IL12RB1: variants seen among roughly 807,000 people sequenced by gnomAD.
IL12RB1 encodes the protein interleukin-12 receptor subunit beta-1.
Under a neutral mutation model 94.4 loss-of-function variants are expected in IL12RB1, and 64 were observed. The observed-to-expected ratio is 0.68, with a 90% CI of 0.55 to 0.83. The LOEUF is 0.83. Among genes scored for constraint, IL12RB1 ranks in the 40% least tolerant of loss-of-function variants. The probability of loss-of-function intolerance (pLI) is 0.00; values close to 1 mark genes in which losing one functional copy is unlikely to be tolerated. For missense variants in IL12RB1, 814 were observed against 855.6 expected (o/e 0.95, Z 0.61); for synonymous variants, 362 against 355.5 (o/e 1.02, Z -0.21).
chr19:18,088,388 A>AATATATATATAT (rs372635550), upstream of IL12RB1, among the ~76,000 whole-genome samples: 1 of 108,444 alleles, frequency 9.2e-6, no homozygotes, highest in Non-Finnish European at 2.1e-5. Flanking sequence ...TCCATCTCAA[A>AATATATATATAT]ATATATATAT....
chr19:18,087,094 G>A (rs1599580871), upstream of IL12RB1: 1 of 609,974 alleles, frequency 1.6e-6, no homozygotes, highest in East Asian at 3.1e-5. Context: ...AGGGTTCTAG[G>A]GGGTTCTGCC....
rs1393654635 is a variant in IL12RB1 at position 18,086,815 on chromosome 19, C to T, written c.9G>A (p.Pro3=). ...GGAGGGGGACCACCCAGGTCACCAG[C>T]GGCTCCATCGGATCCACGTAGAGCC... ME[P]LVTWVVPLLF... is the part of the protein sequence containing the mutation. The change falls in exon 1 of 17, where the codon CCG becomes CCA. Residue 3 remains proline (P), a synonymous_variant. Transcript: ENST00000593993. 8.1e-6 allele frequency: 13 copies of T among 1,610,718 alleles called. No homozygotes were observed. Among genetic ancestry groups the T allele is most frequent in the Non-Finnish European group, 7.6e-6 (9 of 1,178,968 alleles).
In IL12RB1 at chr19:18,072,274, G is replaced by A. The variant is rs1288287381; in HGVS notation, c.859C>T (p.His287Tyr). Residue 287 changes from histidine (H) to tyrosine (Y), a missense_variant, in exon 9 of 17, where the codon CAC becomes TAC. By Grantham distance (83) the His-to-Tyr change is moderately conservative (BLOSUM62 2). Coordinates refer to ENST00000593993, the MANE Select transcript of IL12RB1 (RefSeq NM_005535.3). ...GTEVTYRLQL[H>Y]MLSCPCKAKA... is the part of the protein sequence containing the mutation. ...GCCTTACACGGGCAGGACAGCATGTGGAGCTGTAGTCGGTAAGTGACCTCC... is the reference window on the plus strand; with the variant it reads ...GCCTTACACGGGCAGGACAGCATGTAGAGCTGTAGTCGGTAAGTGACCTCC... 1 of 1,614,060 alleles carries A rather than the reference G, an allele frequency of 6.2e-7. No individual in the cohort carries two copies. The highest frequency in any genetic ancestry group is 8.5e-7 in the Non-Finnish European group (1 of 1,179,938).
chr19:18,082,895 C>T (rs1172103071), intron 2 of IL12RB1, among the ~76,000 whole-genome samples: 2 of 151,996 alleles, frequency 1.3e-5, no homozygotes, highest in African/African-American at 4.8e-5. Flanking sequence ...CCAGCCTGGG[C>T]GACATGGTGA....
intron 3 of IL12RB1, among the ~76,000 whole-genome samples, chr19:18,081,871 G>A (rs575314219): frequency 6.6e-6 from 1 of 152,052 alleles, no homozygotes; most frequent in African/African-American, 2.4e-5. Context: ...TGGATGGATG[G>A]ATGGATGGAT....
At chr19:18,075,573 A>G (rs1034507677) in intron 7 of IL12RB1, among the ~76,000 whole-genome samples, 176 bp downstream of exon 7, 5 of 151,436 alleles carry the variant, frequency 3.3e-5, no homozygotes, top group African/African-American at 1.2e-4. Flanking sequence ...ATTTTATTTT[A>G]TTTTTTAGAG....
intron 1 of IL12RB1, among the ~76,000 whole-genome samples, chr19:18,084,283 T>C (rs367702918): frequency 5.4e-5 from 7 of 129,576 alleles, no homozygotes; most frequent in East Asian, 2.7e-4. Context: ...CCCATCCATC[T>C]ATCCATCCAT....
intron 2 of IL12RB1, chr19:18,082,999 C>T: frequency 3.5e-6 from 1 of 284,606 alleles, no homozygotes; most frequent in South Asian, 3.4e-5. Context: ...TGGAGAATAG[C>T]TTGAACCTGG....
intron 10 of IL12RB1, among the ~76,000 whole-genome samples, chr19:18,069,108 A>G (rs17879580): frequency 6.6e-6 from 1 of 152,122 alleles, no homozygotes; most frequent in Non-Finnish European, 1.5e-5. Context: ...TTCTTCAAGG[A>G]ACAGGCTGAG....
intron 15 of IL12RB1, 126 bp from the exon 16 acceptor site, chr19:18,060,211 G>A: frequency 1.6e-6 from 1 of 618,588 alleles, no homozygotes; most frequent in East Asian, 2.8e-5. Context: ...GGGTGCAGTG[G>A]CTCACACCTG....
At chr19:18,095,955 G>A (rs2146627266) in intron 1 of IL12RB1, among the ~76,000 whole-genome samples, 1 of 152,292 alleles carries the variant, frequency 6.6e-6, no homozygotes, top group East Asian at 1.9e-4. Context: ...CAGGCACAGT[G>A]GCTCATGCCT....
intron 4 of IL12RB1, among the ~76,000 whole-genome samples, chr19:18,079,363 C>T (rs2035714623): frequency 6.6e-6 from 1 of 152,052 alleles, no homozygotes; most frequent in South Asian, 2.1e-4. Flanking sequence ...CTCGGCCTCT[C>T]GAAGTGCTAG....
At chr19:18,093,192 C>A (rs1432519935) in intron 1 of IL12RB1, among the ~76,000 whole-genome samples, 3 of 151,886 alleles carry the variant, frequency 2.0e-5, no homozygotes, top group African/African-American at 7.3e-5. Context: ...GTAATTCCAG[C>A]TACTCGGGAG....
intron 11 of IL12RB1, among the ~76,000 whole-genome samples, chr19:18,068,043 T>TG (rs2034722251): frequency 7.1e-6 from 1 of 141,576 alleles, no homozygotes; most frequent in Non-Finnish European, 1.5e-5. Flanking sequence ...TTTTTTTTTT[T>TG]GAGACAGAGT....
Position 18,081,062 on chromosome 19 carries a change from C to T in IL12RB1, c.240-61G>A, listed in dbSNP as rs2035866141. 5 of 1,442,966 alleles carry T rather than the reference C, an allele frequency of 3.5e-6. No individual in the cohort carries two copies. In the South Asian group the frequency reaches 5.8e-5, roughly 17 times the overall value. The allele number at this position is 1,442,966 out of a possible 1,614,324, so 89.4% of individuals were successfully genotyped here. A position where few individuals can be genotyped will look rare whatever the true frequency, so the allele number is the denominator to read the frequency against. ...GGGTCCTAGTGGACCCCACAGCCGA[C>T]TTTGTGCATCACATCCCAGCATCGT... On this transcript the variant is annotated intron_variant, in intron 3 of 16. Transcript: ENST00000593993.
In IL12RB1 at chr19:18,059,968, GCT is replaced by G; in HGVS notation, c.1907_1908del (p.Glu636AlafsTer3). 6.3e-7 allele frequency: 1 copy of G among 1,599,868 alleles called. No individual in the cohort carries two copies. Among genetic ancestry groups the G allele is most frequent in the Non-Finnish European group, 8.5e-7 (1 of 1,172,436 alleles). On this transcript the variant is annotated frameshift_variant, in exon 16 of 17. Transcript: ENST00000593993. LOFTEE classifies it high-confidence loss of function. ...GERTEPLEKT[E>X]LPEGAPELAL... ...GCCAGCTCAGGGGCACCCTCAGGTAGCTCTGTCTTCTCGAGAGGCTCAGTCCT... is the reference window on the plus strand; with the variant it reads ...GCCAGCTCAGGGGCACCCTCAGGTAGCTGTCTTCTCGAGAGGCTCAGTCCT...
chr19:18,090,987 C>T (rs2036599722), upstream of IL12RB1, among the ~76,000 whole-genome samples: 1 of 151,718 alleles, frequency 6.6e-6, no homozygotes, highest in Admixed American at 6.6e-5. Context: ...AGAGGAGGTG[C>T]TTTGGGGACC....
intron 5 of IL12RB1, among the ~76,000 whole-genome samples, chr19:18,077,171 C>T (rs1477264393): frequency 6.6e-6 from 1 of 151,870 alleles, no homozygotes; most frequent in East Asian, 1.9e-4. Flanking sequence ...CAGCCTGGCC[C>T]ACATGGCGAA....
rs12608554 is a variant in IL12RB1, at chr19:18,068,603, C to T, written c.1190-77G>A. The stretch of plus-strand genomic sequence containing the variant: ...TGCACCTTTGCACTGGCTGTGCCAT[C>T]TGCCAGGAACCCCCAGAAAACTCCT... On this transcript the variant is annotated intron_variant, in intron 10 of 16. Coordinates refer to ENST00000593993, the MANE Select transcript of IL12RB1 (RefSeq NM_005535.3). 2.2e-5 allele frequency: 27 copies of T among 1,225,850 alleles called. No individual in the cohort carries two copies. The African/African-American group carries it at 2.2e-4, about 10-fold the overall frequency. The allele number at this position is 1,225,850 out of a possible 1,614,324, so 75.9% of individuals were successfully genotyped here. A position where few individuals can be genotyped will look rare whatever the true frequency, so the allele number is the denominator to read the frequency against.
Sources: gnomAD v4.1 joint callset for allele counts (sites outside exome capture counted in the v4.1 genomes callset) on GRCh38, gnomAD v4.1.1 for gene constraint, MANE v1.5 for transcripts, NCBI Gene and HGNC (gene_info 2026-07-23, HGNC 2026-07-21) for gene names.